The following SLC5A11 variants were observed in gnomAD, a reference collection of about 807,000 sequenced individuals.
The protein encoded by SLC5A11 is solute carrier family 5 member 11, also known as sodium/myo-inositol cotransporter 2.
SLC5A11 carries 48 observed loss-of-function variants against 69.8 expected under a neutral mutation model. The ratio of observed to expected loss-of-function variants is 0.69; its 90% CI spans 0.55 to 0.87. SLC5A11 has a LOEUF of 0.87. Ranked by LOEUF, SLC5A11 falls within the 40% of genes least tolerant of loss-of-function variation. The pLI is 0.00. For missense variants in SLC5A11, 784 were observed against 866.1 expected, an observed-to-expected ratio of 0.91 and a Z score of 1.19; for synonymous variants, 319 against 342.4, an observed-to-expected ratio of 0.93 and a Z score of 0.75.
In SLC5A11 at chr16:24,862,597, T is replaced by G. The variant is rs1446041096; in HGVS notation, c.136-4T>G. The G allele has an allele frequency of 2.5e-6, 4 of 1,610,810 alleles. No individual in the cohort carries two copies. Among genetic ancestry groups the G allele is most frequent in the African/African-American group, 1.3e-5 (1 of 74,886 alleles). On this transcript the variant is annotated splice_region_variant and splice_polypyrimidine_tract_variant and intron_variant, in intron 2 of 15. Transcript: ENST00000347898. ...CTCACCCACCTCTCTTCTTTTTTTT[T>G]CAGTCCACAGTGAAGACCAAAAGAG...
intron 12 of SLC5A11, 147 bp from the exon 14 acceptor site, chr16:24,907,816 T>C (rs933553791): frequency 2.1e-6 from 2 of 948,928 alleles, no homozygotes; most frequent in Non-Finnish European, 3.1e-6. Context: ...AGCCCAGGAG[T>C]TGGAGGCTGC....
At chr16:24,868,269 A>C (rs2047036252) in intron 3 of SLC5A11, among the ~76,000 whole-genome samples, 1 of 148,778 alleles carries the variant, frequency 6.7e-6, no homozygotes, top group Middle Eastern at 3.4e-3. Flanking sequence ...ATTAACACAA[A>C]TGCTTTACAG....
chr16:24,883,447 A>C (rs1323743559), intron 7 of SLC5A11, among the ~76,000 whole-genome samples: 2 of 152,208 alleles, frequency 1.3e-5, no homozygotes, highest in Non-Finnish European at 2.9e-5. Flanking sequence ...TTCCTATATC[A>C]GTTGAAAATT....
intron 3 of SLC5A11, among the ~76,000 whole-genome samples, chr16:24,867,913 A>G (rs1443442210): frequency 1.3e-5 from 2 of 151,670 alleles, no homozygotes; most frequent in Non-Finnish European, 2.9e-5. Context: ...GAAGAGGGCG[A>G]ATCACCTGAA....
intron 8 of SLC5A11, among the ~76,000 whole-genome samples, chr16:24,890,256 G>A (rs1215189744): frequency 6.6e-6 from 1 of 152,042 alleles, no homozygotes; most frequent in East Asian, 1.9e-4. Context: ...ACAATGGCCA[G>A]GAGTATCACT....
intron 8 of SLC5A11, among the ~76,000 whole-genome samples, chr16:24,885,629 G>C (rs1318176560): frequency 1.6e-5 from 2 of 122,678 alleles, no homozygotes; most frequent in Non-Finnish European, 1.6e-5. Context: ...GCCTGGTCTC[G>C]CTTTGAGACA....
intron 9 of SLC5A11, among the ~76,000 whole-genome samples, chr16:24,891,327 T>C (rs1475668066): frequency 1.3e-5 from 2 of 149,758 alleles, no homozygotes; most frequent in African/African-American, 4.9e-5. Context: ...TTTTTTTTTT[T>C]TTTCTGAGAC....
At position 24,901,948 on chromosome 16, in the gene SLC5A11, A is replaced by G. The variant is rs1244837087; in HGVS notation, c.1006+3839A>G. ...AAAAAAAATACACACACACACACAC[A>G]CACACACACGCACACACACACACAC... On this transcript the variant is annotated intron_variant, in intron 10 of 15. Transcript: ENST00000347898. 2.3e-5 allele frequency among the ~76,000 whole-genome samples: 3 copies of G among 129,012 alleles called. No individual in the cohort carries two copies. In the Admixed American group the frequency reaches 2.3e-4, roughly 10 times the overall value. 84.6% of individuals were successfully genotyped at this position (129,012 alleles called of 152,430 possible).
Position 24,884,042 on chromosome 16 carries a change from T to C in SLC5A11, c.584-9T>C. 1 of 1,611,704 alleles carries C rather than the reference T, an allele frequency of 6.2e-7. No homozygotes were observed. The highest frequency in any genetic ancestry group is 8.5e-7 in the Non-Finnish European group (1 of 1,178,674). On this transcript the variant is annotated splice_polypyrimidine_tract_variant and intron_variant, in intron 7 of 15. Coordinates refer to ENST00000347898, the Ensembl canonical transcript of SLC5A11. Reference sequence around the variant, plus strand: ...TCCCTGACCCTCACCTCCGTGCTCATCCCACCAGGTGGCCTGGCTGCTGTG... The same window carrying C: ...TCCCTGACCCTCACCTCCGTGCTCACCCCACCAGGTGGCCTGGCTGCTGTG...
Position 24,896,080 on chromosome 16 carries a change from G to A in SLC5A11, c.871-1894G>A, listed in dbSNP as rs538857324. Among the ~76,000 whole-genome samples, 183 of 148,990 alleles carry A rather than the reference G, an allele frequency of 1.2e-3. 1 individual carries two copies. The highest frequency in any genetic ancestry group is 2.0e-3 in the Non-Finnish European group (132 of 67,444). On this transcript the variant is annotated intron_variant, in intron 9 of 15. Transcript: ENST00000347898. ...GGCTCTTTTTTTTTTTTTTCTGGGC[G>A]TGGTGGCTCACGCCTATAATCACAG...
intron 2 of SLC5A11, chr16:24,861,907 T>G (rs1472599428): frequency 6.6e-6 from 1 of 152,142 alleles, no homozygotes; most frequent in Non-Finnish European, 1.5e-5. Context: ...ATGAATGGGA[T>G]TACAGACTTT....
At chr16:24,851,773 C>T (rs1456256484) in intron 1 of SLC5A11, among the ~76,000 whole-genome samples, 3 of 152,148 alleles carry the variant, frequency 2.0e-5, no homozygotes, top group Non-Finnish European at 1.5e-5. Flanking sequence ...AATTGAGCCT[C>T]AGAGAGGTGA....
intron 1 of SLC5A11, among the ~76,000 whole-genome samples, chr16:24,849,596 ATATATATATATAT>A (rs2059205071): frequency 1.2e-5 from 1 of 81,386 alleles, no homozygotes; most frequent in Admixed American, 1.2e-4. Context: ...AAAAAAAAAT[ATATATATATATAT>A]ATATATATAT....
At chr16:24,846,654 G>A (rs898874057) in intron 1 of SLC5A11, 2 of 152,662 alleles carry the variant, frequency 1.3e-5, no homozygotes, top group Non-Finnish European at 2.9e-5. Context: ...CAGCAGCACC[G>A]TACGTGGGTC....
intron 7 of SLC5A11, among the ~76,000 whole-genome samples, chr16:24,881,021 T>C (rs1360472642): frequency 6.6e-6 from 1 of 151,922 alleles, no homozygotes; most frequent in African/African-American, 2.4e-5. Context: ...CTGGCCAATA[T>C]AGTGAAACCC....
At chr16:24,866,369 T>C (rs933498661) in intron 3 of SLC5A11, among the ~76,000 whole-genome samples, 3 of 151,762 alleles carry the variant, frequency 2.0e-5, no homozygotes, top group African/African-American at 7.3e-5. Flanking sequence ...GAGGCCAAGA[T>C]GGGTGGATCA....
At chr16:24,852,292 TG>T (rs2059347937) in intron 1 of SLC5A11, among the ~76,000 whole-genome samples, 1 of 152,162 alleles carries the variant, frequency 6.6e-6, no homozygotes, top group Non-Finnish European at 1.5e-5. Context: ...ACCTCTTTTC[TG>T]ATCTTTTCCT....
intron 8 of SLC5A11, 110 bp from the exon 10 acceptor site, chr16:24,890,758 AT>A: frequency 2.0e-6 from 2 of 1,010,182 alleles, no homozygotes; most frequent in Non-Finnish European, 3.1e-6. Context: ...GGGGATTAAC[AT>A]TTTTGGTGGC....
chr16:24,867,178 G>C (rs937105147), intron 3 of SLC5A11, among the ~76,000 whole-genome samples: 8 of 152,148 alleles, frequency 5.3e-5, no homozygotes, highest in Non-Finnish European at 1.2e-4. Flanking sequence ...AATACAAAGT[G>C]TGTTGTCTAT....
Sources: gnomAD v4.1 joint callset for allele counts (sites outside exome capture counted in the v4.1 genomes callset) on GRCh38, gnomAD v4.1.1 for gene constraint, MANE v1.5 for transcripts, NCBI Gene and HGNC (gene_info 2026-07-23, HGNC 2026-07-21) for gene names.